The following DLC1 variants were observed in gnomAD, a reference collection of about 807,000 sequenced individuals.
The protein encoded by DLC1 is rho GTPase-activating protein 7.
Under a neutral mutation model 140.3 loss-of-function variants are expected in DLC1, and 54 were observed. That is an observed-to-expected ratio of 0.38 (90% CI 0.31 to 0.48). The LOEUF (loss-of-function observed/expected upper bound fraction) is 0.48, where lower values mean the gene tolerates loss of function less well. DLC1 is among the 20% of genes least tolerant of loss of function. The pLI is 0.96. For synonymous variants in DLC1, 986 were observed against 728.1 expected, an observed-to-expected ratio of 1.35 and a Z score of -5.70; for missense variants, 2,536 against 1,907.0, an observed-to-expected ratio of 1.33 and a Z score of -6.14.
intron 1 of DLC1, among the ~76,000 whole-genome samples, chr8:13,539,310 C>T (rs1803405826): frequency 6.6e-6 from 1 of 152,104 alleles, no homozygotes; most frequent in Admixed American, 6.6e-5. Context: ...CACCATTCTC[C>T]TGCCTTAGCC....
At chr8:13,508,148 C>T (rs1802188691) in intron 1 of DLC1, among the ~76,000 whole-genome samples, 1 of 152,160 alleles carries the variant, frequency 6.6e-6, no homozygotes, top group Admixed American at 6.5e-5. Flanking sequence ...TATTTAATGT[C>T]GCTTCCAGTA....
chr8:13,261,263 G>C (rs959125967), intron 5 of DLC1, among the ~76,000 whole-genome samples: 3 of 152,170 alleles, frequency 2.0e-5, no homozygotes, highest in Non-Finnish European at 4.4e-5. Context: ...CAAAGTAAGG[G>C]AGAGAGCCAT....
rs1319699981 is a variant in DLC1 at position 13,453,471 on chromosome 8, C to CATATATATATGTATATATATACAT, written c.1023+45577_1023+45578insATGTATATATATACATATATATAT. On this transcript the variant is annotated intron_variant, in intron 2 of 17. Coordinates refer to ENST00000276297, the MANE Select transcript of DLC1 (RefSeq NM_182643.3). ...ATACATATATATATGTATATATATA[C>CATATATATATGTATATATATACAT]ATATATATGTATATATATACATATA... 2.4e-4 allele frequency among the ~76,000 whole-genome samples: 3 copies of CATATATATATGTATATATATACAT among 12,388 alleles called. 1 individual carries two copies. Among genetic ancestry groups the CATATATATATGTATATATATACAT allele is most frequent in the African/African-American group, 1.4e-3 (3 of 2,198 alleles). 8.1% of individuals were successfully genotyped at this position (12,388 alleles called of 152,430 possible). A position where few individuals can be genotyped will look rare whatever the true frequency, so the allele number is the denominator to read the frequency against.
At chr8:13,234,941 C>T (rs1829212420) in intron 5 of DLC1, among the ~76,000 whole-genome samples, 1 of 152,010 alleles carries the variant, frequency 6.6e-6, no homozygotes, top group Non-Finnish European at 1.5e-5. Flanking sequence ...TTTTGAGACC[C>T]TTAGTAAAAG....
At chr8:13,125,025 G>T (rs1821432902) in intron 5 of DLC1, among the ~76,000 whole-genome samples, 1 of 151,156 alleles carries the variant, frequency 6.6e-6, no homozygotes, top group South Asian at 2.1e-4. Context: ...CACCCACGCT[G>T]GAGTGCAGTA....
intron 4 of DLC1, among the ~76,000 whole-genome samples, chr8:13,387,820 G>A (rs1279342327): frequency 6.6e-6 from 1 of 151,944 alleles, no homozygotes; most frequent in Non-Finnish European, 1.5e-5. Context: ...AAATGTCAAT[G>A]TACCTGCAGC....
intron 2 of DLC1, among the ~76,000 whole-genome samples, chr8:13,412,554 A>G (rs1285989645): frequency 6.6e-6 from 1 of 152,134 alleles, no homozygotes; most frequent in African/African-American, 2.4e-5. Flanking sequence ...CATTTCTTGG[A>G]TCACAATGCA....
At chr8:13,200,994 G>T (rs904614521) in intron 5 of DLC1, among the ~76,000 whole-genome samples, 8 of 152,158 alleles carry the variant, frequency 5.3e-5, no homozygotes, top group African/African-American at 1.4e-4. Context: ...CACAAAAAAT[G>T]GAGTTGATTC....
chr8:13,264,644 C>T (rs1039373393), intron 5 of DLC1, among the ~76,000 whole-genome samples: 91 of 152,188 alleles, frequency 6.0e-4, no homozygotes, highest in Non-Finnish European at 3.7e-4. Flanking sequence ...GGGGCTGTAA[C>T]AGCAACTGCA....
intron 5 of DLC1, among the ~76,000 whole-genome samples, chr8:13,117,972 A>C (rs1820710264): frequency 6.6e-6 from 1 of 151,784 alleles, no homozygotes; most frequent in Non-Finnish European, 1.5e-5. Flanking sequence ...CAGCAACACA[A>C]AAATGCATAT....
In DLC1 at chr8:13,122,856, G is replaced by C. The variant is rs990917306; in HGVS notation, c.1349-7199C>G. On this transcript the variant is annotated intron_variant, in intron 5 of 17. Coordinates refer to ENST00000276297, the MANE Select transcript of DLC1 (RefSeq NM_182643.3). ...GGGAGACTGGTCAGTCACTAAGTCA[G>C]TTTCTTAGGCTATCTGGCTTAACAA... is the stretch of plus-strand genomic sequence containing the variant. 6.4e-4 allele frequency among the ~76,000 whole-genome samples: 97 copies of C among 150,388 alleles called. 6 individuals carry two copies. The highest frequency in any genetic ancestry group is 1.5e-5 in the Non-Finnish European group (1 of 67,888).
At chr8:13,291,210 T>C (rs1001012915) in intron 5 of DLC1, among the ~76,000 whole-genome samples, 6 of 152,158 alleles carry the variant, frequency 3.9e-5, no homozygotes, top group South Asian at 2.1e-4. Flanking sequence ...CGCCTGGCCA[T>C]GTGCAGACAT....
intron 1 of DLC1, among the ~76,000 whole-genome samples, chr8:13,554,148 C>G (rs1359442116): frequency 3.3e-5 from 5 of 152,100 alleles, no homozygotes; most frequent in African/African-American, 1.2e-4. Flanking sequence ...CTCACTGCAA[C>G]CTCTGCCTCC....
intron 5 of DLC1, among the ~76,000 whole-genome samples, chr8:13,274,561 C>T (rs576292934): frequency 2.0e-5 from 3 of 152,194 alleles, no homozygotes; most frequent in Non-Finnish European, 2.9e-5. Flanking sequence ...CATTAATTTA[C>T]ACTTGCTGTT....
intron 4 of DLC1, among the ~76,000 whole-genome samples, chr8:13,332,896 A>C (rs1833658595): frequency 6.6e-6 from 1 of 152,156 alleles, no homozygotes; most frequent in African/African-American, 2.4e-5. Flanking sequence ...CTGCTGAAAT[A>C]GATTCTTAAG....
chr8:13,455,195 C>T (rs1014061188), intron 2 of DLC1, among the ~76,000 whole-genome samples: 7 of 151,958 alleles, frequency 4.6e-5, no homozygotes, highest in Admixed American at 1.3e-4. Flanking sequence ...AAAATATTTG[C>T]CTTTGATAAA....
At chr8:13,597,206 T>G (rs1183082533) in intron 1 of DLC1, among the ~76,000 whole-genome samples, 1 of 152,072 alleles carries the variant, frequency 6.6e-6, no homozygotes, top group African/African-American at 2.4e-5. Context: ...ATGCCCACAC[T>G]TAATTTGTAA....
At chr8:13,452,808 G>A (rs1799130619) in intron 2 of DLC1, among the ~76,000 whole-genome samples, 1 of 152,030 alleles carries the variant, frequency 6.6e-6, no homozygotes, top group Non-Finnish European at 1.5e-5. Context: ...GGTCATTTTG[G>A]GACTGTTGAC....
intron 3 of DLC1, 147 bp from the exon 4 acceptor site, chr8:13,393,840 A>G: frequency 1.1e-6 from 1 of 916,278 alleles, no homozygotes; most frequent in African/African-American, 1.7e-5. Flanking sequence ...GTGACGTGTC[A>G]CACATAATCA....
Sources: allele counts gnomAD v4.1 joint callset (sites outside exome capture counted in the v4.1 genomes callset), GRCh38; gene constraint gnomAD v4.1.1; transcripts MANE v1.5; gene names NCBI Gene and HGNC (gene_info 2026-07-23, HGNC 2026-07-21).